Variants in DST observed in about 807,000 individuals in gnomAD.
The protein encoded by DST is bullous pemphigoid antigen.
In DST, 253 loss-of-function variants were observed where a neutral mutation model predicts 875.2. That is an observed-to-expected ratio of 0.29 (90% CI 0.26 to 0.32). The LOEUF (loss-of-function observed/expected upper bound fraction) is 0.32. Ranked by LOEUF, DST falls within the 10% of genes least tolerant of loss-of-function variation. The pLI, the probability that DST is intolerant of heterozygous loss-of-function variation, is 1.00. For synonymous variants in DST, 3,124 were observed against 3,197.1 expected, an observed-to-expected ratio of 0.98 and a Z score of 0.77; for missense variants, 8,287 against 9,111.6, an observed-to-expected ratio of 0.91 and a Z score of 3.68.
chr6:56,902,062 T>G (rs1756357213), intron 2 of DST, among the ~76,000 whole-genome samples: 1 of 152,186 alleles, frequency 6.6e-6, no homozygotes, highest in South Asian at 2.1e-4. Context: ...GGGTGGCATT[T>G]GAAGAATGAA....
chr6:56,708,195 G>A (rs2152889082), intron 5 of DST, among the ~76,000 whole-genome samples: 1 of 152,204 alleles, frequency 6.6e-6, no homozygotes, highest in Middle Eastern at 3.4e-3. Flanking sequence ...AAACTCTCTA[G>A]GCTTCAGGGT....
chr6:56,717,106 C>G (rs1437389122), intron 5 of DST, among the ~76,000 whole-genome samples: 1 of 151,986 alleles, frequency 6.6e-6, no homozygotes, highest in Non-Finnish European at 1.5e-5. Flanking sequence ...TGGCGTGAAC[C>G]CGGTAGGCAG....
At position 56,608,300 on chromosome 6, in the gene DST, G is replaced by A; in HGVS notation, c.6328C>T (p.Leu2110Phe). 1.2e-6 allele frequency: 2 copies of A among 1,613,430 alleles called. No individual in the cohort carries two copies. The highest frequency in any genetic ancestry group is 1.7e-6 in the Non-Finnish European group (2 of 1,179,796). The change falls in exon 40 of 104, where the codon CTT becomes TTT. Residue 2110 changes from leucine (L) to phenylalanine (F), a missense_variant. Physicochemically the swap from Leu to Phe is conservative, Grantham distance 22. Transcript: ENST00000680361. Reference protein sequence around the residue: ...ILNGRQKIAALYIPESSQVIG... With the variant: ...ILNGRQKIAAFYIPESSQVIG... Reference sequence around the variant, plus strand: ...ACTTGAGAACTTTCTGGAATATAAAGAGCAGCTATTTTTTGTCTGCCATTC... The same window carrying A: ...ACTTGAGAACTTTCTGGAATATAAAAAGCAGCTATTTTTTGTCTGCCATTC...
chr6:56,763,691 A>ACACG (rs1333846892), intron 4 of DST, among the ~76,000 whole-genome samples: 1 of 108,856 alleles, frequency 9.2e-6, no homozygotes, highest in Non-Finnish European at 2.2e-5. Flanking sequence ...CTATACACAC[A>ACACG]CACACACACA....
intron 2 of DST, among the ~76,000 whole-genome samples, chr6:56,939,820 T>C (rs1815377951): frequency 6.7e-6 from 1 of 150,286 alleles, no homozygotes; most frequent in Admixed American, 6.6e-5. Flanking sequence ...AGGTCAGGAG[T>C]TCAAGACCAG....
intron 79 of DST, 142 bp downstream of exon 79, chr6:56,501,378 T>C (rs2096117631): frequency 8.9e-7 from 1 of 1,127,938 alleles, no homozygotes. Flanking sequence ...TATCCTTCTA[T>C]GTTTTAAGTT....
chr6:56,739,852 A>G (rs1397959471), intron 4 of DST, among the ~76,000 whole-genome samples: 2 of 152,190 alleles, frequency 1.3e-5, no homozygotes. Flanking sequence ...TTAGCATATC[A>G]TCAAGAAATA....
chr6:56,565,112 C>CA (rs1262398828), intron 55 of DST, among the ~76,000 whole-genome samples: 2 of 134,482 alleles, frequency 1.5e-5, no homozygotes, highest in African/African-American at 5.5e-5. Flanking sequence ...TTTCTCTTTT[C>CA]TTTTTTTTTT....
At position 56,530,081 on chromosome 6, in the gene DST, A is replaced by C; in HGVS notation, c.17161T>G (p.Leu5721Val). ...GTAAGCCACTCGTTCAGTGGTTCTA[A>C]GGTTTCATGAAATTGCTGTGCTACC... is the stretch of plus-strand genomic sequence containing the variant. Reference protein sequence around the residue: ...SVVAQQFHETLEPLNEWLTTI... With the variant: ...SVVAQQFHETVEPLNEWLTTI... The change falls in exon 65 of 104, where the codon TTA (leucine) becomes GTA (valine). Residue 5721 changes from leucine (L) to valine (V), a missense_variant. Leu to Val is a conservative substitution (Grantham distance 32, BLOSUM62 1). Transcript: ENST00000680361. 6.2e-7 allele frequency: 1 copy of C among 1,611,978 alleles called. No individual in the cohort carries two copies. The highest frequency in any genetic ancestry group is 1.1e-5 in the South Asian group (1 of 90,638).
At chr6:56,780,287 T>A (rs2099690254) in intron 4 of DST, among the ~76,000 whole-genome samples, 1 of 152,058 alleles carries the variant, frequency 6.6e-6, no homozygotes, top group African/African-American at 2.4e-5. Flanking sequence ...TCTAGATCCC[T>A]GAGGAATCGC....
chr6:56,545,825 A>G (rs995255972), intron 61 of DST, among the ~76,000 whole-genome samples: 1 of 152,208 alleles, frequency 6.6e-6, no homozygotes, highest in Non-Finnish European at 1.5e-5. Context: ...ATAGCTCTTG[A>G]AATCAGGATG....
chr6:56,703,994 A>G (rs2099322384), intron 6 of DST, among the ~76,000 whole-genome samples: 1 of 152,172 alleles, frequency 6.6e-6, no homozygotes, highest in Non-Finnish European at 1.5e-5. Context: ...AACTTCTGCT[A>G]AGCAAAAAAA....
rs1563350044 is a variant in DST, at chr6:56,635,627, T to C, written c.3148A>G (p.Ser1050Gly). Residue 1050 changes from serine to glycine, a missense_variant, in exon 24 of 104, where the codon AGC becomes GGC. Physicochemically the swap from Ser to Gly is moderately conservative, Grantham distance 56 (BLOSUM62 0). This residue lies in a region of DST where 1,160 missense variants were observed against 1,424.3 expected (regional missense o/e 0.81). Coordinates refer to ENST00000680361, the MANE Select transcript of DST (RefSeq NM_001374736.1). ...ACAAGGTCTTCTAGCTTGTGAATGC[T>C]GCTTGATCTATCACAGCTGTACTTC... ...QRKYSCDRSSSIHKLEDLVQE... is the reference protein window; with the variant it reads ...QRKYSCDRSSGIHKLEDLVQE... 6.2e-7 allele frequency: 1 copy of C among 1,614,054 alleles called. No homozygotes were observed. The highest frequency in any genetic ancestry group is 1.7e-5 in the Admixed American group (1 of 60,028).
intron 3 of DST, among the ~76,000 whole-genome samples, chr6:56,873,732 T>A (rs1036312202): frequency 6.6e-6 from 1 of 151,848 alleles, no homozygotes; most frequent in African/African-American, 2.4e-5. Context: ...AGAGGGGAGA[T>A]GAAGAGAGGT....
At chr6:56,468,944 T>C in intron 98 of DST, 38 bp downstream of exon 98, 5 of 1,537,772 alleles carry the variant, frequency 3.3e-6, no homozygotes, top group Non-Finnish European at 4.4e-6. Flanking sequence ...TAAAAAAAAA[T>C]CATCAGGAAC....
chr6:56,572,971 C>T lies in DST; in HGVS notation c.13330G>A (p.Ala4444Thr). The part of the protein sequence containing the change: ...KFMETTDPST[A>T]SSLQAKMKDL... ...TTCATTTTGGCTTGCAGTGAGGATG[C>T]AGTGGATGGATCTGTTGTTTCCATA... The change falls in exon 52 of 104, where the codon GCA becomes ACA. Residue 4444 changes from alanine to threonine, a missense_variant. By Grantham distance (58) the Ala-to-Thr change is moderately conservative. This residue lies in a region of DST where 1,513 missense variants were observed against 1,677.8 expected (regional missense o/e 0.90). Coordinates refer to ENST00000680361, the MANE Select transcript of DST (RefSeq NM_001374736.1). 1 of 1,611,672 alleles carries T rather than the reference C, an allele frequency of 6.2e-7. No individual in the cohort carries two copies. Among genetic ancestry groups the T allele is most frequent in the Non-Finnish European group, 8.5e-7 (1 of 1,178,888 alleles).
chr6:56,697,219 C>A (rs1272660763), intron 9 of DST, among the ~76,000 whole-genome samples: 1 of 152,056 alleles, frequency 6.6e-6, no homozygotes, highest in Admixed American at 6.6e-5. Flanking sequence ...CCCTCTATGC[C>A]CTGTGTCCAA....
Position 56,506,797 on chromosome 6 carries a change from A to G in DST, c.19240-8T>C. The G allele has an allele frequency of 6.2e-7, 1 of 1,603,336 alleles. No individual in the cohort carries two copies. The highest frequency in any genetic ancestry group is 8.5e-7 in the Non-Finnish European group (1 of 1,175,916). ...TATTTCTTCCCTTATGGTCTAGAATAAGAAAATGACAGCCTTAGAATTTTA... is the reference window on the plus strand; with the variant it reads ...TATTTCTTCCCTTATGGTCTAGAATGAGAAAATGACAGCCTTAGAATTTTA... On this transcript the variant is annotated splice_polypyrimidine_tract_variant and splice_region_variant and intron_variant, in intron 75 of 103. Transcript: ENST00000680361.
intron 2 of DST, among the ~76,000 whole-genome samples, chr6:56,907,729 T>C (rs540282424): frequency 6.6e-6 from 1 of 152,314 alleles, no homozygotes; most frequent in Admixed American, 6.5e-5. Context: ...CTATTAACAA[T>C]TTAGATGAAT....
Sources: gnomAD v4.1 joint callset for allele counts (sites outside exome capture counted in the v4.1 genomes callset) on GRCh38, gnomAD v4.1.1 for gene constraint, gnomAD v4.1.1 regional missense constraint, MANE v1.5 for transcripts, NCBI Gene and HGNC (gene_info 2026-07-23, HGNC 2026-07-21) for gene names.